The following MARK4 variants were observed in gnomAD, a reference collection of about 807,000 sequenced individuals.
MARK4 encodes microtubule affinity regulating kinase 4.
Under a neutral mutation model 81.5 loss-of-function variants are expected in MARK4, and 19 were observed. The observed-to-expected ratio is 0.23, with a 90% confidence interval of 0.16 to 0.34. MARK4 has a LOEUF of 0.34. Ranked by LOEUF, MARK4 falls within the 10% of genes least tolerant of loss-of-function variation. The pLI is 1.00. For missense variants in MARK4, 772 were observed against 1,058.8 expected (o/e 0.73, Z 3.76); for synonymous variants, 436 against 439.0 (o/e 0.99, Z 0.08).
chr19:45,263,217 G>A, intron 3 of MARK4, 51 bp downstream of exon 3: 2 of 1,613,274 alleles, frequency 1.2e-6, no homozygotes, highest in Non-Finnish European at 1.7e-6. Flanking sequence ...CGGCACAGCC[G>A]GGTGACCCAC....
chr19:45,260,957 A>G (rs1481046543), intron 2 of MARK4, among the ~76,000 whole-genome samples: 2 of 152,150 alleles, frequency 1.3e-5, no homozygotes, highest in Non-Finnish European at 2.9e-5. Flanking sequence ...CAGCCTAGAT[A>G]TGAGGTCTCT....
intron 7 of MARK4, among the ~76,000 whole-genome samples, chr19:45,268,170 C>A (rs1970479803): frequency 6.6e-6 from 1 of 152,140 alleles, no homozygotes; most frequent in Non-Finnish European, 1.5e-5. Flanking sequence ...GGACCAGGCG[C>A]AGTCTCACAC....
intron 13 of MARK4, 130 bp from the exon 14 acceptor site, chr19:45,294,219 C>G: frequency 1.3e-6 from 1 of 783,966 alleles, no homozygotes; most frequent in African/African-American, 1.7e-5. Flanking sequence ...TTCACCATCT[C>G]CTACTCACCC....
intron 1 of MARK4, among the ~76,000 whole-genome samples, chr19:45,255,559 CAAAAAAAAAAA>C (rs34066317): frequency 0.29 from 26,423 of 90,946 alleles, 3,225 homozygotes; most frequent in South Asian, 0.42. Flanking sequence ...GAAACTCTGC[CAAAAAAAAAAA>C]AAAAAAAAAA....
chr19:45,289,567 C>T (rs944248912), intron 13 of MARK4, among the ~76,000 whole-genome samples: 1 of 151,552 alleles, frequency 6.6e-6, no homozygotes, highest in African/African-American at 2.4e-5. Flanking sequence ...GTCGGGAGTT[C>T]GAGACCAGCC....
Position 45,277,952 on chromosome 19 carries a change from G to A in MARK4, c.816G>A (p.Lys272=). The change falls in exon 9 of 17, where the codon AAG becomes AAA. Residue 272 remains lysine (K), a synonymous_variant. Transcript: ENST00000262891. ...TGCGGGAGCGAGTACTCAGAGGGAA[G>A]TACCGGGTCCCTTTCTACATGTCAA... ...KELRERVLRG[K]YRVPFYMSTD... The A allele has an allele frequency of 3.1e-6, 5 of 1,613,582 alleles. No individual in the cohort carries two copies. Among genetic ancestry groups the A allele is most frequent in the Non-Finnish European group, 8.5e-7 (1 of 1,179,904 alleles).
chr19:45,278,491 CCT>C, intron 9 of MARK4, 23 bp from the exon 10 acceptor site: 1 of 1,602,364 alleles, frequency 6.2e-7, no homozygotes, highest in South Asian at 1.1e-5. Context: ...CTGTCTTCCC[CCT>C]TCCCTGCTCC....
In MARK4 at chr19:45,266,776, T is replaced by A. The variant is rs371962503; in HGVS notation, c.549+495T>A. Among the ~76,000 whole-genome samples, 34 of 144,186 alleles carry A rather than the reference T, an allele frequency of 2.4e-4. No individual in the cohort carries two copies. In the South Asian group the frequency reaches 5.6e-3, roughly 24 times the overall value. The allele number at this position is 144,186 out of a possible 152,430, so 94.6% of individuals were successfully genotyped here. A position where few individuals can be genotyped will look rare whatever the true frequency, so the allele number is the denominator to read the frequency against. On this transcript the variant is annotated intron_variant, in intron 7 of 16. Coordinates refer to ENST00000262891, the MANE Select transcript of MARK4 (RefSeq NM_001199867.2). ...GAGACAGAGTCTCACTCTGTCGCCC[T>A]GGCTGGAGTGAAGTGGCGCGATCTC...
chr19:45,280,846 T>C, intron 12 of MARK4, 112 bp downstream of exon 12: 1 of 1,426,020 alleles, frequency 7.0e-7, no homozygotes, highest in Non-Finnish European at 9.6e-7. Context: ...GGAGCTAACC[T>C]CAGAGAGGGA....
chr19:45,274,230 CAG>C (rs1970570181), intron 8 of MARK4, among the ~76,000 whole-genome samples: 1 of 152,022 alleles, frequency 6.6e-6, no homozygotes, highest in African/African-American at 2.4e-5. Flanking sequence ...GCCTGGGCAA[CAG>C]AGCGAGACTC....
chr19:45,300,244 C>T (rs1970949720), intron 16 of MARK4, among the ~76,000 whole-genome samples: 1 of 145,596 alleles, frequency 6.9e-6, no homozygotes, highest in African/African-American at 2.5e-5. Flanking sequence ...ACTCGGGAGG[C>T]TGAGGCAGGA....
chr19:45,266,368 C>T (rs367592648), intron 7 of MARK4, 87 bp downstream of exon 7: 18 of 1,308,108 alleles, frequency 1.4e-5, no homozygotes, highest in East Asian at 6.9e-5. Flanking sequence ...GTTTCCGTGG[C>T]CTCCAGCAAA....
intron 1 of MARK4, among the ~76,000 whole-genome samples, chr19:45,255,344 T>C (rs1041663213): frequency 6.6e-6 from 1 of 151,998 alleles, no homozygotes; most frequent in African/African-American, 2.4e-5. Context: ...GCAGATCACC[T>C]GAGGTCAGGA....
intron 1 of MARK4, among the ~76,000 whole-genome samples, chr19:45,253,192 C>CCCA (rs1555761168): frequency 1.3e-5 from 2 of 148,214 alleles, no homozygotes; most frequent in African/African-American, 2.6e-5. Context: ...GACCCCCCCA[C>CCCA]ACACACACAC....
chr19:45,271,797 G>T lies in MARK4; in HGVS notation c.786+89G>T. ...CACACCTCCCCTGCAGAGGGCCTCA[G>T]TGGTGGGACTGGCCTGAGTTCTCAT... On this transcript the variant is annotated intron_variant, in intron 8 of 16. Transcript: ENST00000262891. The surrounding 1 kb of genome is among the most constrained non-coding windows in gnomAD (Gnocchi z 4.1). 7.9e-7 allele frequency: 1 copy of T among 1,261,596 alleles called. No homozygotes were observed. Among genetic ancestry groups the T allele is most frequent in the Non-Finnish European group, 1.1e-6 (1 of 899,528 alleles). 78.2% of individuals were successfully genotyped at this position (1,261,596 alleles called of 1,614,324 possible). A position where few individuals can be genotyped will look rare whatever the true frequency, so the allele number is the denominator to read the frequency against.
chr19:45,285,597 T>C (rs1970732825), intron 12 of MARK4, among the ~76,000 whole-genome samples: 1 of 151,406 alleles, frequency 6.6e-6, no homozygotes, highest in African/African-American at 2.5e-5. Flanking sequence ...ACCTGTAAAA[T>C]GACAGGGCGT....
intron 8 of MARK4, among the ~76,000 whole-genome samples, chr19:45,276,896 A>C (rs968390351): frequency 1.3e-5 from 2 of 151,220 alleles, no homozygotes; most frequent in Non-Finnish European, 2.9e-5. Flanking sequence ...CACCCTCCCA[A>C]AGTGCTGGAA....
chr19:45,295,754 G>A (rs1490675069), intron 14 of MARK4, among the ~76,000 whole-genome samples: 1 of 152,088 alleles, frequency 6.6e-6, no homozygotes, highest in African/African-American at 2.4e-5. Flanking sequence ...ACTCCAGCCT[G>A]AGCCACACAG....
chr19:45,289,297 G>A (rs1266882906), intron 13 of MARK4, among the ~76,000 whole-genome samples: 1 of 143,984 alleles, frequency 6.9e-6, no homozygotes, highest in East Asian at 2.1e-4. Context: ...TGAGGCAGGA[G>A]AATTGCTTGA....
Sources: gnomAD v4.1 joint callset for allele counts (sites outside exome capture counted in the v4.1 genomes callset) on GRCh38, gnomAD v4.1.1 for gene constraint, Gnocchi (gnomAD v3.1) non-coding constraint, MANE v1.5 for transcripts, NCBI Gene and HGNC (gene_info 2026-07-23, HGNC 2026-07-21) for gene names.